XKRX: variants seen among roughly 807,000 people sequenced by gnomAD.
XKRX encodes the protein XK-related protein 2.
A neutral mutation model predicts 22.4 loss-of-function variants in XKRX; 11 were observed. That is an observed-to-expected ratio of 0.49 (90% confidence interval 0.31 to 0.81). The LOEUF is 0.81. Among genes scored for constraint, XKRX ranks in the 40% least tolerant of loss-of-function variants. The pLI is 0.05. For synonymous variants in XKRX, 114 were observed against 132.2 expected, an observed-to-expected ratio of 0.86 and a Z score of 0.94; for missense variants, 320 against 336.5, an observed-to-expected ratio of 0.95 and a Z score of 0.38.
At chrX:100,897,559 T>C in the XKRX span, among the ~76,000 whole-genome samples, 1 of 92,865 alleles carries the variant, frequency 1.1e-5, no homozygotes, top group Non-Finnish European at 2.1e-5. Context: ...CACTCCAGCC[T>C]GGGCAAAAAA....
chrX:100,911,506 A>G (rs1409922674), downstream of XKRX: 15 of 690,680 alleles, frequency 2.2e-5, no homozygotes, highest in Non-Finnish European at 3.5e-5. Flanking sequence ...AATTTAATAT[A>G]TAATTATTGA....
chrX:100,941,051 G>A, the XKRX span, among the ~76,000 whole-genome samples: 11 of 110,941 alleles, frequency 9.9e-5, no homozygotes, highest in South Asian at 1.9e-3. Context: ...TAAATTCTCC[G>A]GCCCAGTGGA....
At chrX:100,944,444 C>A in the XKRX span, among the ~76,000 whole-genome samples, 13 of 111,713 alleles carry the variant, frequency 1.2e-4, no homozygotes, top group Non-Finnish European at 2.1e-4. Flanking sequence ...CACACTGCAA[C>A]CTCCGCCTCC....
chrX:100,902,301 T>C, the XKRX span, among the ~76,000 whole-genome samples: 5 of 111,770 alleles, frequency 4.5e-5, no homozygotes, highest in Non-Finnish European at 7.5e-5. Context: ...AATTATGGCA[T>C]TATATGCATA....
the XKRX span, among the ~76,000 whole-genome samples, chrX:100,957,782 A>T: frequency 8.9e-6 from 1 of 111,947 alleles, no homozygotes; most frequent in Non-Finnish European, 1.9e-5. Flanking sequence ...TTTGTCCCAA[A>T]AGTTGTTTTG....
chrX:100,951,234 CAAAAA>C, the XKRX span, among the ~76,000 whole-genome samples: 1 of 25,482 alleles, frequency 3.9e-5, no homozygotes, highest in Non-Finnish European at 7.2e-5. Context: ...GGCTCCATCG[CAAAAA>C]AAAAAAAAAA....
In XKRX at chrX:100,914,300, C is replaced by A; in HGVS notation, c.*38G>T. On this transcript the variant is annotated 3_prime_UTR_variant, in exon 3 of 3. Coordinates refer to ENST00000372956, the MANE Select transcript of XKRX (RefSeq NM_212559.3). ...CGTTCAATTTCATGGTTACTCTTGG[C>A]AACTCCCAACTCTTCCTAAAATACC... The A allele has an allele frequency of 8.5e-7, 1 of 1,182,043 alleles. No individual in the cohort carries two copies.
At chrX:100,934,658 G>A in the XKRX span, among the ~76,000 whole-genome samples, 2 of 111,788 alleles carry the variant, frequency 1.8e-5, no homozygotes, top group Non-Finnish European at 3.8e-5. Context: ...AACCACAACA[G>A]GATTGTCTCC....
intron 2 of XKRX, among the ~76,000 whole-genome samples, chrX:100,915,450 A>G (rs1436285298): frequency 9.0e-6 from 1 of 111,150 alleles, no homozygotes; most frequent in South Asian, 3.8e-4. Context: ...TTGTGGGAAC[A>G]TAAACTGACA....
At chrX:100,925,651 A>G (rs2085494774) in intron 1 of XKRX, among the ~76,000 whole-genome samples, 1 of 111,936 alleles carries the variant, frequency 8.9e-6, no homozygotes, top group Admixed American at 9.5e-5. Flanking sequence ...AACTCAATAT[A>G]TTGTATTTGA....
chrX:100,947,225 A>G, the XKRX span, among the ~76,000 whole-genome samples: 7 of 111,396 alleles, frequency 6.3e-5, no homozygotes, highest in Non-Finnish European at 1.3e-4. Context: ...ACATCCTTTC[A>G]TTTCCTCTGT....
chrX:100,945,412 T>C, the XKRX span, among the ~76,000 whole-genome samples: 8,873 of 112,152 alleles, frequency 0.079, 738 homozygotes, highest in African/African-American at 0.25. Context: ...AGCTACCATG[T>C]CCAGCCCTGC....
At position 100,914,372 on chromosome X, in the gene XKRX, G is replaced by C. The variant is rs779763224; in HGVS notation, c.1316C>G (p.Pro439Arg). ...PRTRVENSEP[P>R]FETEARQSVV ...ACTTTGCCTTGCTTCAGTCTCAAAG[G>C]GTGGCTCTGAGTTCTCAACCCTGGT... Residue 439 changes from proline (P) to arginine (R), a missense_variant, in exon 3 of 3, where the codon CCC (proline) becomes CGC (arginine). By Grantham distance (103) the Pro-to-Arg change is moderately radical. Coordinates refer to ENST00000372956, the MANE Select transcript of XKRX (RefSeq NM_212559.3). 36 of 1,209,776 alleles carry C rather than the reference G, an allele frequency of 3.0e-5. No individual in the cohort carries two copies. The East Asian group carries it at 6.2e-4, about 21-fold the overall frequency.
the XKRX span, among the ~76,000 whole-genome samples, chrX:100,944,838 T>G: frequency 9.0e-6 from 1 of 111,565 alleles, no homozygotes; most frequent in African/African-American, 3.3e-5. Flanking sequence ...TCATGCTGTT[T>G]CCTGGCATCT....
At chrX:100,944,151 C>T in the XKRX span, among the ~76,000 whole-genome samples, 2 of 111,787 alleles carry the variant, frequency 1.8e-5, no homozygotes, top group South Asian at 3.8e-4. Context: ...GCAGTAGTAT[C>T]TCATTGTGGT....
At chrX:100,954,376 G>A in the XKRX span, among the ~76,000 whole-genome samples, 1 of 108,278 alleles carries the variant, frequency 9.2e-6, no homozygotes, top group Non-Finnish European at 1.9e-5. Flanking sequence ...CCAAGATTGT[G>A]CCACTGCACT....
intron 2 of XKRX, among the ~76,000 whole-genome samples, chrX:100,917,690 G>GAAAGAAAGA (rs1569454774): frequency 9.3e-4 from 89 of 95,939 alleles, no homozygotes; most frequent in African/African-American, 3.2e-3. Context: ...AAGAAAGAAA[G>GAAAGAAAGA]AAAGAAAGAA....
rs748228447 is a variant in XKRX, at chrX:100,914,399, C to G, written c.1289G>C (p.Arg430Pro). 8.3e-7 allele frequency: 1 copy of G among 1,210,052 alleles called. No individual in the cohort carries two copies. Among genetic ancestry groups the G allele is most frequent in the Non-Finnish European group, 1.1e-6 (1 of 895,218 alleles). ...LHCVCCHQHP[R>P]TRVENSEPPF... The stretch of plus-strand genomic sequence containing the variant: ...TGGCTCTGAGTTCTCAACCCTGGTC[C>G]GAGGGTGCTGGTGACAGCAGACACA... Residue 430 changes from arginine to proline, a missense_variant, in exon 3 of 3, where the codon CGG (arginine) becomes CCG (proline). Coordinates refer to ENST00000372956, the MANE Select transcript of XKRX (RefSeq NM_212559.3).
chrX:100,941,394 C>T, the XKRX span, among the ~76,000 whole-genome samples: 5 of 110,979 alleles, frequency 4.5e-5, no homozygotes, highest in African/African-American at 6.6e-5. Context: ...ATTAAAAATA[C>T]AAAAATTAGC....
Sources: gnomAD v4.1 joint callset for allele counts (sites outside exome capture counted in the v4.1 genomes callset) on GRCh38, gnomAD v4.1.1 for gene constraint, MANE v1.5 for transcripts, NCBI Gene and HGNC (gene_info 2026-07-23, HGNC 2026-07-21) for gene names.